The following UNC13C variants were observed in gnomAD, a reference collection of about 807,000 sequenced individuals.
UNC13C encodes the protein unc-13 homolog C, also known as protein unc-13 homolog C.
Under a neutral mutation model 245.4 loss-of-function variants are expected in UNC13C, and 174 were observed. The observed-to-expected ratio is 0.71, with a 90% CI of 0.63 to 0.80. The LOEUF is 0.80. UNC13C is among the 30% of genes least tolerant of loss of function. The pLI, the probability that UNC13C is intolerant of heterozygous loss-of-function variation, is 0.00. For missense variants in UNC13C, 2,829 were observed against 2,602.9 expected (o/e 1.09, Z -1.89); for synonymous variants, 992 against 895.1 (o/e 1.11, Z -1.93).
intron 23 of UNC13C, among the ~76,000 whole-genome samples, chr15:54,508,377 C>G (rs1473703367): frequency 1.3e-5 from 2 of 152,008 alleles, no homozygotes. Context: ...TTAAAAGCCC[C>G]TGCAGAGTTC....
chr15:53,942,942 C>G, the UNC13C span, among the ~76,000 whole-genome samples: 1 of 152,130 alleles, frequency 6.6e-6, no homozygotes. Flanking sequence ...GGATTGCAGG[C>G]GTGAGCCATT....
chr15:54,298,938 C>T (rs144758073), intron 12 of UNC13C, among the ~76,000 whole-genome samples: 102 of 151,812 alleles, frequency 6.7e-4, no homozygotes, highest in African/African-American at 2.2e-3. Context: ...ATATTTATAC[C>T]CCATTTTACT....
intron 4 of UNC13C, among the ~76,000 whole-genome samples, chr15:54,175,617 A>G (rs531621372): frequency 6.8e-6 from 1 of 146,742 alleles, no homozygotes; most frequent in South Asian, 2.1e-4. Context: ...GGTTCACGCC[A>G]TTCTCCTGCC....
intron 19 of UNC13C, among the ~76,000 whole-genome samples, chr15:54,463,337 T>C (rs1478887317): frequency 7.5e-6 from 1 of 132,900 alleles, no homozygotes; most frequent in Non-Finnish European, 1.6e-5. Context: ...AGCAACCCAC[T>C]GGGGTCCCCT....
chr15:54,573,768 G>A (rs541389727), intron 30 of UNC13C, among the ~76,000 whole-genome samples: 2 of 152,294 alleles, frequency 1.3e-5, no homozygotes, highest in South Asian at 4.1e-4. Flanking sequence ...CTAGTACAGA[G>A]GCCAGGAATG....
At chr15:54,629,978 G>T, downstream of UNC13C, 1 of 152,170 alleles carries the variant, frequency 6.6e-6, no homozygotes, top group Non-Finnish European at 1.5e-5. Context: ...AAGTATTCCC[G>T]TTGTCTTCAG....
chr15:53,868,487 G>C, the UNC13C span, among the ~76,000 whole-genome samples: 2 of 152,130 alleles, frequency 1.3e-5, no homozygotes, highest in Admixed American at 6.5e-5. Context: ...TTGTGCCCTA[G>C]GGGTCAGGTG....
the UNC13C span, among the ~76,000 whole-genome samples, chr15:53,919,635 A>AGG: frequency 2.4e-4 from 37 of 152,216 alleles, no homozygotes; most frequent in African/African-American, 8.7e-4. Flanking sequence ...TTTTGGAACA[A>AGG]TGTTAATTTT....
chr15:53,900,862 A>G, the UNC13C span, among the ~76,000 whole-genome samples: 1 of 152,294 alleles, frequency 6.6e-6, no homozygotes, highest in African/African-American at 2.4e-5. Flanking sequence ...AGGAATAGGC[A>G]CTTCATGCTC....
upstream of UNC13C, among the ~76,000 whole-genome samples, chr15:53,974,518 G>T (rs560783135): frequency 6.6e-6 from 1 of 152,178 alleles, no homozygotes; most frequent in Non-Finnish European, 1.5e-5. Context: ...AGGCAGATGA[G>T]TAAAATAGTA....
chr15:54,357,493 ATAT>A (rs1226649073), intron 17 of UNC13C, among the ~76,000 whole-genome samples: 3 of 152,090 alleles, frequency 2.0e-5, no homozygotes, highest in Non-Finnish European at 2.9e-5. Flanking sequence ...TTTTATTCTA[ATAT>A]TATTTGAAAT....
intron 15 of UNC13C, among the ~76,000 whole-genome samples, chr15:54,332,931 G>A (rs545361793): frequency 4.7e-4 from 71 of 151,898 alleles, no homozygotes; most frequent in African/African-American, 1.5e-3. Context: ...ATTATTTCAT[G>A]TTGGTTATTT....
Position 54,264,168 on chromosome 15 carries a change from G to A in UNC13C, c.3449G>A (p.Arg1150Lys), listed in dbSNP as rs1173083604. ...ATCACCATTGATGTTTCCATCATAGGAGCAGCAGAAAAGAGTTCTAAACAT... is the reference window on the plus strand; with the variant it reads ...ATCACCATTGATGTTTCCATCATAGAAGCAGCAGAAAAGAGTTCTAAACAT... ...QDLLNADCLQRAAEKSSKHGA... is the reference protein window; with the variant it reads ...QDLLNADCLQKAAEKSSKHGA... Residue 1150 changes from arginine (R) to lysine (K), a missense_variant and splice_region_variant, in exon 9 of 33, where the codon AGA becomes AAA. Arg to Lys is a conservative substitution (Grantham distance 26, BLOSUM62 2). Coordinates refer to ENST00000260323, the MANE Select transcript of UNC13C (RefSeq NM_001080534.3). 1.3e-5 allele frequency: 20 copies of A among 1,569,410 alleles called. No individual in the cohort carries two copies. Among genetic ancestry groups the A allele is most frequent in the Non-Finnish European group, 1.7e-5 (20 of 1,156,274 alleles).
the UNC13C span, among the ~76,000 whole-genome samples, chr15:53,872,418 G>A: frequency 6.6e-6 from 1 of 151,856 alleles, no homozygotes; most frequent in East Asian, 1.9e-4. Flanking sequence ...TCATAATCTA[G>A]GTTGAAGAAC....
intron 30 of UNC13C, among the ~76,000 whole-genome samples, chr15:54,617,961 G>T (rs1900550162): frequency 6.6e-6 from 1 of 152,092 alleles, no homozygotes; most frequent in African/African-American, 2.4e-5. Flanking sequence ...AAATTTGTCA[G>T]AAACCTAAGC....
chr15:54,552,646 T>C (rs1241075354), intron 28 of UNC13C, among the ~76,000 whole-genome samples: 2 of 80,238 alleles, frequency 2.5e-5, no homozygotes, highest in Non-Finnish European at 4.0e-5. Flanking sequence ...TATAATATAA[T>C]TATATAATTA....
chr15:54,253,713 G>C (rs146616532), intron 8 of UNC13C, among the ~76,000 whole-genome samples: 1 of 152,214 alleles, frequency 6.6e-6, no homozygotes, highest in Non-Finnish European at 1.5e-5. Context: ...CACCTCAGTG[G>C]TGGTTTTAAA....
At chr15:54,025,686 G>C (rs1044267276) in intron 2 of UNC13C, among the ~76,000 whole-genome samples, 1 of 152,122 alleles carries the variant, frequency 6.6e-6, no homozygotes, top group African/African-American at 2.4e-5. Flanking sequence ...GGTAAATATT[G>C]ATTTACCCGA....
In UNC13C at chr15:54,225,073, G is replaced by T. The variant is rs796200978; in HGVS notation, c.3072-9957G>T. 4.2e-4 allele frequency among the ~76,000 whole-genome samples: 24 copies of T among 57,644 alleles called. 2 individuals are homozygous for T. Among genetic ancestry groups the T allele is most frequent in the African/African-American group, 2.8e-3 (22 of 7,822 alleles). 37.8% of individuals were successfully genotyped at this position (57,644 alleles called of 152,430 possible). On this transcript the variant is annotated intron_variant, in intron 4 of 32. Transcript: ENST00000260323. Reference sequence around the variant, plus strand: ...AGCTTGGCTAAAGGTTGTAAGTTTTGTTTATCTTTTCAATAGCTTTTTTTC... The same window carrying T: ...AGCTTGGCTAAAGGTTGTAAGTTTTTTTTATCTTTTCAATAGCTTTTTTTC...
Sources: gnomAD v4.1 joint callset for allele counts (sites outside exome capture counted in the v4.1 genomes callset) on GRCh38, gnomAD v4.1.1 for gene constraint, MANE v1.5 for transcripts, NCBI Gene and HGNC (gene_info 2026-07-23, HGNC 2026-07-21) for gene names.